UPF3B: variants seen among roughly 807,000 people sequenced by gnomAD.
UPF3B encodes UPF3B regulator of nonsense mediated mRNA decay, also known as regulator of nonsense transcripts 3B.
A neutral mutation model predicts 40.3 loss-of-function variants in UPF3B; 7 were observed. That is an observed-to-expected ratio of 0.17 (90% CI 0.10 to 0.33). The LOEUF is 0.33. Ranked by LOEUF, UPF3B falls within the 10% of genes least tolerant of loss-of-function variation. The probability of loss-of-function intolerance (pLI) is 1.00; values close to 1 mark genes in which losing one functional copy is unlikely to be tolerated. For synonymous variants in UPF3B, 117 were observed against 117.3 expected (o/e 1.00, Z 0.01); for missense variants, 229 against 358.9 (o/e 0.64, Z 2.93).
intron 4 of UPF3B, among the ~76,000 whole-genome samples, chrX:119,822,333 TC>T (rs753274422): frequency 5.2e-4 from 59 of 112,561 alleles, no homozygotes; most frequent in Non-Finnish European, 9.8e-4. Context: ...GCGACTCTGC[TC>T]CACCAAAATT....
intron 4 of UPF3B, among the ~76,000 whole-genome samples, chrX:119,821,317 A>G (rs2055916384): frequency 8.9e-6 from 1 of 112,421 alleles, no homozygotes; most frequent in Non-Finnish European, 1.9e-5. Flanking sequence ...CTTTTCTTAT[A>G]AACTACCCAG....
intron 3 of UPF3B, among the ~76,000 whole-genome samples, chrX:119,824,764 CTT>C (rs11351287): frequency 1.6e-3 from 108 of 65,621 alleles, no homozygotes; most frequent in African/African-American, 3.7e-3. Flanking sequence ...CCATTTCTTT[CTT>C]TTTTTTTTTT....
downstream of UPF3B, chrX:119,833,947 G>A (rs1452164078): frequency 3.1e-6 from 2 of 652,156 alleles, no homozygotes; most frequent in East Asian, 1.6e-4. Flanking sequence ...ACTAGAAGGT[G>A]AGTGATGTCA....
chrX:119,836,364 A>T lies in UPF3B; in HGVS notation c.1303-1337T>A, dbSNP rs1031185619. On this transcript the variant is annotated intron_variant, in intron 10 of 10. Coordinates refer to ENST00000276201, the MANE Select transcript of UPF3B (RefSeq NM_080632.3). ...AGCGAGACTCCATCGCAAAAAATAA[A>T]TAATTAATTAATTTTAAAAAGACAT... Among the ~76,000 whole-genome samples, 10 of 111,758 alleles carry T rather than the reference A, an allele frequency of 8.9e-5. No individual in the cohort carries two copies. The South Asian group carries it at 1.1e-3, about 12-fold the overall frequency.
rs145284521 is a variant in UPF3B at position 119,842,124 on chromosome X, A to T, written c.581-346T>A. On this transcript the variant is annotated intron_variant, in intron 5 of 10. Transcript: ENST00000276201. Reference sequence around the variant, plus strand: ...AGAAGTTGGGGGGAAGGGGCTAAAAATATCTAATCCTTTTGACCCCATAAT... The same window carrying T: ...AGAAGTTGGGGGGAAGGGGCTAAAATTATCTAATCCTTTTGACCCCATAAT... 4.6e-3 allele frequency among the ~76,000 whole-genome samples: 510 copies of T among 112,041 alleles called. 2 individuals are homozygous for T. Among genetic ancestry groups the T allele is most frequent in the African/African-American group, 0.016 (480 of 30,880 alleles).
intron 10 of UPF3B, among the ~76,000 whole-genome samples, chrX:119,835,792 A>G (rs1439660727): frequency 9.0e-6 from 1 of 111,267 alleles, no homozygotes; most frequent in Non-Finnish European, 1.9e-5. Flanking sequence ...CCTGAGCAAC[A>G]TAGGGAGACC....
downstream of UPF3B, among the ~76,000 whole-genome samples, chrX:119,833,087 A>C (rs370200806): frequency 6.3e-5 from 7 of 110,566 alleles, no homozygotes; most frequent in South Asian, 2.7e-3. Context: ...ACTTCTCTCC[A>C]CCAGAGCAGC....
chrX:119,827,028 AG>A (rs1184578542), intron 3 of UPF3B, among the ~76,000 whole-genome samples: 1 of 112,077 alleles, frequency 8.9e-6, no homozygotes, highest in East Asian at 2.8e-4. Context: ...AAAAATGCGC[AG>A]GAAAGTTTCA....
At chrX:119,807,997 G>C (rs2055805736) in intron 5 of UPF3B, among the ~76,000 whole-genome samples, 1 of 111,461 alleles carries the variant, frequency 9.0e-6, no homozygotes, top group South Asian at 3.8e-4. Flanking sequence ...GTCTCCCTAT[G>C]TTATCCAGGC....
At chrX:119,829,438 T>C (rs1208539719), downstream of UPF3B, among the ~76,000 whole-genome samples, 1 of 112,239 alleles carries the variant, frequency 8.9e-6, no homozygotes, top group East Asian at 2.8e-4. Context: ...GTTGTATATA[T>C]TGTTTCCTTC....
intron 4 of UPF3B, 99 bp from the exon 5 acceptor site, chrX:119,843,400 A>T: frequency 1.6e-6 from 1 of 629,506 alleles, no homozygotes; most frequent in Non-Finnish European, 2.5e-6. Context: ...ATAATTTTTT[A>T]CTTCGTGGAA....
chrX:119,808,759 G>A (rs5957254), intron 5 of UPF3B, among the ~76,000 whole-genome samples: 8 of 111,511 alleles, frequency 7.2e-5, no homozygotes, highest in Non-Finnish European at 5.7e-5. Context: ...AGGGATGTCA[G>A]CTCATGCCTG....
chrX:119,833,028 C>T (rs1250766440), downstream of UPF3B, among the ~76,000 whole-genome samples: 1 of 111,216 alleles, frequency 9.0e-6, no homozygotes, highest in Non-Finnish European at 1.9e-5. Flanking sequence ...CTAGCTACCC[C>T]CCACTGCCCT....
chrX:119,841,814 T>C lies in UPF3B; in HGVS notation c.581-36A>G, dbSNP rs745662705. ...GTAAACAGATTATTAATCATACTTA[T>C]CAACCCCTAGAAACGATTCCATTTT... On this transcript the variant is annotated intron_variant, in intron 5 of 10. Transcript: ENST00000276201. 4 of 1,137,726 alleles carry C rather than the reference T, an allele frequency of 3.5e-6. No individual in the cohort carries two copies. The African/African-American group carries it at 5.4e-5, about 15-fold the overall frequency. The allele number at this position is 1,137,726 out of a possible 1,213,427, so 93.8% of individuals were successfully genotyped here. A position where few individuals can be genotyped will look rare whatever the true frequency, so the allele number is the denominator to read the frequency against.
intron 4 of UPF3B, among the ~76,000 whole-genome samples, chrX:119,820,447 G>A (rs2055905571): frequency 9.4e-6 from 1 of 105,887 alleles, no homozygotes; most frequent in African/African-American, 3.5e-5. Flanking sequence ...CACCAAGCCC[G>A]GCCTTTTTTT....
chrX:119,840,827 A>C, intron 7 of UPF3B, 143 bp from the exon 8 acceptor site: 1 of 642,234 alleles, frequency 1.6e-6, no homozygotes, highest in Non-Finnish European at 2.4e-6. Context: ...TAAAAATCCA[A>C]CATTTTCAAT....
At chrX:119,810,807 G>T (rs775966910) in intron 5 of UPF3B, among the ~76,000 whole-genome samples, 1 of 110,981 alleles carries the variant, frequency 9.0e-6, no homozygotes, top group African/African-American at 3.3e-5. Flanking sequence ...AATCTGTAAA[G>T]GGTACCATTT....
At chrX:119,822,908 TCTC>T (rs1467581659) in intron 4 of UPF3B, 7 of 864,585 alleles carry the variant, frequency 8.1e-6, no homozygotes, top group South Asian at 5.9e-5. Context: ...ACGCCCGGCC[TCTC>T]CTCTTCTTTT....
intron 4 of UPF3B, 136 bp downstream of exon 4, chrX:119,845,062 G>A (rs1331401904): frequency 1.4e-5 from 7 of 503,453 alleles, no homozygotes; most frequent in Admixed American, 3.2e-5. Context: ...AGCTTCCATC[G>A]GCAAATAACA....
Sources: gnomAD v4.1 joint callset for allele counts (sites outside exome capture counted in the v4.1 genomes callset) on GRCh38, gnomAD v4.1.1 for gene constraint, MANE v1.5 for transcripts, NCBI Gene and HGNC (gene_info 2026-07-23, HGNC 2026-07-21) for gene names.